HCRTR2: variants seen among roughly 807,000 people sequenced by gnomAD.
HCRTR2 encodes the protein orexin receptor type 2.
Under a neutral mutation model 49.0 loss-of-function variants are expected in HCRTR2, and 22 were observed. The observed-to-expected ratio is 0.45, with a 90% CI of 0.32 to 0.64. The LOEUF is 0.64. Among genes scored for constraint, HCRTR2 ranks in the 30% least tolerant of loss-of-function variants. The pLI is 0.04. For missense variants in HCRTR2, 491 were observed against 559.4 expected (o/e 0.88, Z 1.23); for synonymous variants, 236 against 205.3 (o/e 1.15, Z -1.28).
intron 3 of HCRTR2, among the ~76,000 whole-genome samples, chr6:55,260,826 G>A (rs930314360): frequency 5.3e-5 from 8 of 152,078 alleles, no homozygotes; most frequent in Admixed American, 5.2e-4. Context: ...CTATTATTAT[G>A]ACAATCATCA....
chr6:55,202,000 A>G (rs190520846), intron 1 of HCRTR2, among the ~76,000 whole-genome samples: 247 of 152,320 alleles, frequency 1.6e-3, no homozygotes, highest in African/African-American at 5.7e-3. Flanking sequence ...ATTCTTAGAA[A>G]GAAGCTATAG....
chr6:55,144,082 ATT>A (rs967960736), intron 1 of HCRTR2, among the ~76,000 whole-genome samples: 1 of 142,198 alleles, frequency 7.0e-6, no homozygotes. Context: ...GTGTGACGCC[ATT>A]CTTTCCCGTC....
chr6:55,259,025 T>A (rs910491130), intron 3 of HCRTR2, among the ~76,000 whole-genome samples: 17 of 152,162 alleles, frequency 1.1e-4, no homozygotes, highest in African/African-American at 4.1e-4. Context: ...CACTCCAGCC[T>A]GGGCAAAAGA....
At position 55,255,236 on chromosome 6, in the gene HCRTR2, G is replaced by T; in HGVS notation, c.503G>T (p.Arg168Leu). 6.2e-7 allele frequency: 1 copy of T among 1,613,920 alleles called. No individual in the cohort carries two copies. The highest frequency in any genetic ancestry group is 8.5e-7 in the Non-Finnish European group (1 of 1,179,946). ...HPLMFKSTAK[R>L]ARNSIVIIWI... ...TTGATGTTTAAGAGCACAGCAAAGCGGGCCCGTAACAGCATTGTCATCATC... is the reference window on the plus strand; with the variant it reads ...TTGATGTTTAAGAGCACAGCAAAGCTGGCCCGTAACAGCATTGTCATCATC... Residue 168 changes from arginine (R) to leucine (L), a missense_variant, in exon 3 of 7, where the codon CGG (arginine) becomes CTG (leucine). Transcript: ENST00000370862.
chr6:55,239,617 T>C (rs1157746798), intron 1 of HCRTR2, among the ~76,000 whole-genome samples: 3 of 152,154 alleles, frequency 2.0e-5, no homozygotes, highest in Non-Finnish European at 2.9e-5. Context: ...GCACCATTGG[T>C]TGACAAAAGT....
intron 1 of HCRTR2, among the ~76,000 whole-genome samples, chr6:55,136,500 A>G (rs1030486840): frequency 1.3e-5 from 2 of 152,198 alleles, no homozygotes; most frequent in Non-Finnish European, 2.9e-5. Flanking sequence ...AAAATATGTC[A>G]CCACATTTAT....
intron 1 of HCRTR2, among the ~76,000 whole-genome samples, chr6:55,232,587 C>CA (rs1429296878): frequency 6.6e-6 from 1 of 152,128 alleles, no homozygotes; most frequent in South Asian, 2.1e-4. Flanking sequence ...AACTTTTCAG[C>CA]AAAAATTTGT....
chr6:55,192,412 C>CCT (rs1765334043), intron 1 of HCRTR2, among the ~76,000 whole-genome samples: 2 of 64,482 alleles, frequency 3.1e-5, no homozygotes, highest in African/African-American at 1.4e-4. Context: ...CGCGCGCGCG[C>CCT]GCACACACAC....
intron 1 of HCRTR2, among the ~76,000 whole-genome samples, chr6:55,194,148 T>G (rs1246893928): frequency 1.3e-5 from 2 of 152,196 alleles, no homozygotes; most frequent in Non-Finnish European, 2.9e-5. Flanking sequence ...TTCTTAGGAA[T>G]GAGAAGTAGA....
Position 55,280,347 on chromosome 6 carries a change from T to A in HCRTR2, c.1008T>A (p.Thr336=). ...GAGTATTTGGGATGTTTGCCCATAC[T>A]GAAGACAGAGAGACTGTGTATGCCT... ...LKRVFGMFAH[T]EDRETVYAWF... is the part of the protein sequence containing the mutation. Residue 336 remains threonine (T), a synonymous_variant, in exon 6 of 7, where the codon ACT becomes ACA. Coordinates refer to ENST00000370862, the MANE Select transcript of HCRTR2 (RefSeq NM_001384272.1). 6.2e-7 allele frequency: 1 copy of A among 1,610,416 alleles called. No homozygotes were observed. Among genetic ancestry groups the A allele is most frequent in the Non-Finnish European group, 8.5e-7 (1 of 1,176,682 alleles).
intron 1 of HCRTR2, among the ~76,000 whole-genome samples, chr6:55,243,909 A>G (rs1161373646): frequency 1.3e-5 from 2 of 152,150 alleles, no homozygotes; most frequent in African/African-American, 2.4e-5. Context: ...TAATTAAAAG[A>G]TATTTTGTGA....
rs201196563 is a variant in HCRTR2 at position 55,163,262 on chromosome 6, A to C, written c.-377-10949A>C. Among the ~76,000 whole-genome samples, 471 of 116,420 alleles carry C rather than the reference A, an allele frequency of 4.0e-3. 3 individuals are homozygous for C. Among genetic ancestry groups the C allele is most frequent in the East Asian group, 0.032 (134 of 4,208 alleles). The allele number at this position is 116,420 out of a possible 152,430, so 76.4% of individuals were successfully genotyped here. A position where few individuals can be genotyped will look rare whatever the true frequency, so the allele number is the denominator to read the frequency against. On this transcript the variant is annotated intron_variant, in intron 1 of 7. Transcript: ENST00000615358. ...AAAAAACAAACAAACAAACAACAAA[A>C]AAAAAAAAACTACCTTAAATTTCTT...
At chr6:55,156,746 T>G (rs985335533) in intron 1 of HCRTR2, among the ~76,000 whole-genome samples, 2 of 152,164 alleles carry the variant, frequency 1.3e-5, no homozygotes, top group African/African-American at 4.8e-5. Context: ...TTGGCTAAAC[T>G]TAATGAAAAT....
At position 55,233,516 on chromosome 6, in the gene HCRTR2, C is replaced by T. The variant is rs187285658; in HGVS notation, c.224-15123C>T. ...ACCAGCCTGGACAAAATGGCAAGAC[C>T]CCATCTTTACAAAAACAAAAATAAA... On this transcript the variant is annotated intron_variant, in intron 1 of 6. Transcript: ENST00000370862. Among the ~76,000 whole-genome samples, 347 of 152,150 alleles carry T rather than the reference C, an allele frequency of 2.3e-3. 2 individuals are homozygous for T. Among genetic ancestry groups the T allele is most frequent in the African/African-American group, 8.1e-3 (337 of 41,510 alleles).
chr6:55,156,895 A>G (rs1483673814), intron 1 of HCRTR2, among the ~76,000 whole-genome samples: 3 of 152,180 alleles, frequency 2.0e-5, no homozygotes, highest in Non-Finnish European at 4.4e-5. Context: ...TCAACTTTAC[A>G]AAGAACATCT....
intron 1 of HCRTR2, among the ~76,000 whole-genome samples, chr6:55,214,819 G>T (rs1316601583): frequency 6.6e-6 from 1 of 151,756 alleles, no homozygotes; most frequent in East Asian, 1.9e-4. Flanking sequence ...TTACATTAAA[G>T]GAGTTTAATA....
intron 1 of HCRTR2, among the ~76,000 whole-genome samples, chr6:55,197,975 A>T (rs1765447838): frequency 1.3e-5 from 2 of 152,150 alleles, no homozygotes; most frequent in Admixed American, 6.5e-5. Context: ...TGTAACTCTA[A>T]TTGTAAACCT....
rs116522986 is a variant in HCRTR2, at chr6:55,157,411, G to A, written c.-377-16800G>A. On this transcript the variant is annotated intron_variant, in intron 1 of 7. Coordinates refer to the HCRTR2 transcript ENST00000615358. ...ATTGCAGTTTTCTGACTCCAGGCCC[G>A]GGCTCTTGGATGGCATCTCTGGATC... Among the ~76,000 whole-genome samples, 436 of 152,290 alleles carry A rather than the reference G, an allele frequency of 2.9e-3. 4 individuals are homozygous for A. Among genetic ancestry groups the A allele is most frequent in the African/African-American group, 9.9e-3 (410 of 41,548 alleles).
At chr6:55,188,522 TAGC>T (rs1562000430) in intron 1 of HCRTR2, among the ~76,000 whole-genome samples, 1 of 152,218 alleles carries the variant, frequency 6.6e-6, no homozygotes, top group East Asian at 1.9e-4. Context: ...AATCCAACTG[TAGC>T]AGCAAAAGGT....
Sources: gnomAD v4.1 joint callset for allele counts (sites outside exome capture counted in the v4.1 genomes callset) on GRCh38, gnomAD v4.1.1 for gene constraint, MANE v1.5 for transcripts, NCBI Gene and HGNC (gene_info 2026-07-23, HGNC 2026-07-21) for gene names.